The following TBC1D22A variants were observed in gnomAD, a reference collection of about 807,000 sequenced individuals.
TBC1D22A encodes the protein putative GTPase activator.
In TBC1D22A, 38 loss-of-function variants were observed where a neutral mutation model predicts 60.2. That is an observed-to-expected ratio of 0.63 (90% CI 0.49 to 0.83). The LOEUF is 0.83. Among genes scored for constraint, TBC1D22A ranks in the 40% least tolerant of loss-of-function variants. TBC1D22A has a pLI of 0.00. For synonymous variants in TBC1D22A, 302 were observed against 281.7 expected, an observed-to-expected ratio of 1.07 and a Z score of -0.72; for missense variants, 628 against 701.0, an observed-to-expected ratio of 0.90 and a Z score of 1.18.
intron 12 of TBC1D22A, among the ~76,000 whole-genome samples, chr22:47,170,198 G>A (rs897757944): frequency 6.6e-6 from 1 of 152,194 alleles, no homozygotes; most frequent in Admixed American, 6.5e-5. Flanking sequence ...AGGCTGCGAA[G>A]AACTGGGCAT....
chr22:46,778,129 C>T (rs898573040), intron 1 of TBC1D22A, among the ~76,000 whole-genome samples: 3 of 151,436 alleles, frequency 2.0e-5, no homozygotes, highest in Admixed American at 6.6e-5. Context: ...TTGGCGCTCA[C>T]GGGACTGGAC....
intron 10 of TBC1D22A, among the ~76,000 whole-genome samples, chr22:47,034,461 G>T (rs2062587905): frequency 8.6e-6 from 1 of 115,896 alleles, no homozygotes; most frequent in Non-Finnish European, 1.8e-5. Context: ...AACAGCTCCT[G>T]TGCTCCCGTG....
intron 11 of TBC1D22A, among the ~76,000 whole-genome samples, chr22:47,060,885 C>T (rs148374498): frequency 7.9e-5 from 12 of 152,314 alleles, no homozygotes; most frequent in East Asian, 1.9e-4. Context: ...CTCCCATCAT[C>T]GGGGCGGTTG....
intron 12 of TBC1D22A, among the ~76,000 whole-genome samples, chr22:47,113,040 C>T (rs1398165472): frequency 2.0e-5 from 3 of 152,222 alleles, no homozygotes; most frequent in Non-Finnish European, 4.4e-5. Context: ...CTGCTGTCCT[C>T]CACAGTAGGC....
chr22:46,907,568 A>C (rs1301623230), intron 7 of TBC1D22A, among the ~76,000 whole-genome samples: 1 of 152,196 alleles, frequency 6.6e-6, no homozygotes, highest in Non-Finnish European at 1.5e-5. Context: ...GGCATCAGGG[A>C]GCAGCTGCGC....
chr22:46,897,600 T>C (rs904844696), intron 7 of TBC1D22A, among the ~76,000 whole-genome samples: 2 of 151,024 alleles, frequency 1.3e-5, no homozygotes, highest in Admixed American at 6.6e-5. Flanking sequence ...TTTTGTTACC[T>C]GGGCATGGAA....
chr22:46,781,364 C>T (rs1488411618), intron 1 of TBC1D22A, among the ~76,000 whole-genome samples: 3 of 152,054 alleles, frequency 2.0e-5, no homozygotes, highest in Non-Finnish European at 4.4e-5. Context: ...TTTATAGAGA[C>T]GGGGTTTCAC....
intron 11 of TBC1D22A, among the ~76,000 whole-genome samples, chr22:47,098,458 C>G (rs960269734): frequency 1.2e-4 from 19 of 152,220 alleles, no homozygotes; most frequent in African/African-American, 4.1e-4. Flanking sequence ...GGGGCCGCAC[C>G]ACAGGAACTG....
intron 11 of TBC1D22A, among the ~76,000 whole-genome samples, chr22:47,076,413 A>G (rs1159026682): frequency 3.7e-5 from 5 of 135,066 alleles, no homozygotes; most frequent in Non-Finnish European, 4.5e-5. Context: ...ACACACATAT[A>G]TATATATATA....
chr22:46,794,492 C>T (rs558716422), intron 3 of TBC1D22A, among the ~76,000 whole-genome samples: 3 of 152,186 alleles, frequency 2.0e-5, no homozygotes, highest in South Asian at 4.1e-4. Context: ...CAGGCCATCA[C>T]GTCTGTGATG....
intron 4 of TBC1D22A, among the ~76,000 whole-genome samples, chr22:46,862,268 G>C (rs1569144555): frequency 1.3e-5 from 2 of 152,196 alleles, no homozygotes; most frequent in South Asian, 2.1e-4. Flanking sequence ...GCACCCCCCA[G>C]GTGACTGGCC....
chr22:46,919,704 G>C (rs1339478476), intron 8 of TBC1D22A, among the ~76,000 whole-genome samples: 15 of 148,204 alleles, frequency 1.0e-4, no homozygotes, highest in Admixed American at 9.4e-4. Flanking sequence ...TCCACATCCT[G>C]GTCAACACTT....
chr22:46,881,643 G>T (rs2067857032), intron 5 of TBC1D22A, among the ~76,000 whole-genome samples: 1 of 152,226 alleles, frequency 6.6e-6, no homozygotes, highest in Non-Finnish European at 1.5e-5. Flanking sequence ...GCTGCTCTTG[G>T]CAGGCTCTTG....
chr22:46,886,970 G>A (rs1162427120), intron 5 of TBC1D22A, among the ~76,000 whole-genome samples: 2 of 152,178 alleles, frequency 1.3e-5, no homozygotes, highest in East Asian at 3.9e-4. Context: ...GTGGGAATAT[G>A]GCCATGATTT....
intron 5 of TBC1D22A, among the ~76,000 whole-genome samples, chr22:46,881,001 G>T (rs531468895): frequency 1.3e-5 from 2 of 152,236 alleles, no homozygotes; most frequent in South Asian, 4.2e-4. Context: ...CAAAAGTGTT[G>T]TTAGTGTTCT....
chr22:46,934,512 G>A (rs1024753308), intron 8 of TBC1D22A, among the ~76,000 whole-genome samples: 1 of 152,240 alleles, frequency 6.6e-6, no homozygotes, highest in African/African-American at 2.4e-5. Flanking sequence ...ACTTGCCAGA[G>A]AGAGCAGGAG....
chr22:47,077,135 A>C (rs1472445750), intron 11 of TBC1D22A, among the ~76,000 whole-genome samples: 1 of 152,190 alleles, frequency 6.6e-6, no homozygotes, highest in African/African-American at 2.4e-5. Flanking sequence ...CTCAGCTAAA[A>C]ATTGTGGATT....
intron 11 of TBC1D22A, among the ~76,000 whole-genome samples, chr22:47,097,651 T>C (rs964516514): frequency 2.0e-5 from 3 of 152,124 alleles, no homozygotes; most frequent in African/African-American, 7.2e-5. Flanking sequence ...GCATTGAACA[T>C]ATCAATTAAA....
intron 10 of TBC1D22A, among the ~76,000 whole-genome samples, chr22:47,012,324 C>A (rs1017189977): frequency 1.3e-5 from 2 of 152,172 alleles, no homozygotes; most frequent in East Asian, 3.8e-4. Flanking sequence ...CACATCCCCC[C>A]AGCCCTCCTG....
Sources: allele counts gnomAD v4.1 joint callset (sites outside exome capture counted in the v4.1 genomes callset), GRCh38; gene constraint gnomAD v4.1.1; transcripts MANE v1.5; gene names NCBI Gene and HGNC (gene_info 2026-07-23, HGNC 2026-07-21).